CCDC102B: variants seen among roughly 807,000 people sequenced by gnomAD.
The protein encoded by CCDC102B is coiled-coil domain-containing protein 102B.
Under a neutral mutation model 57.4 loss-of-function variants are expected in CCDC102B, and 75 were observed. The observed-to-expected ratio is 1.31, with a 90% CI of 1.08 to 1.58. The LOEUF (loss-of-function observed/expected upper bound fraction) is 1.58, where lower values mean the gene tolerates loss of function less well. CCDC102B is among the 40% of genes most tolerant of loss of function. The pLI is 0.00. For missense variants in CCDC102B, 636 were observed against 582.6 expected, an observed-to-expected ratio of 1.09 and a Z score of -0.94; for synonymous variants, 206 against 201.9, an observed-to-expected ratio of 1.02 and a Z score of -0.17.
intron 2 of CCDC102B, among the ~76,000 whole-genome samples, chr18:68,770,201 T>C (rs2034595752): frequency 6.6e-6 from 1 of 152,196 alleles, no homozygotes. Context: ...AAATCTCTTG[T>C]TAAAGAAATC....
At chr18:68,835,974 G>T (rs1335357444) in intron 1 of CCDC102B, among the ~76,000 whole-genome samples, 1 of 152,176 alleles carries the variant, frequency 6.6e-6, no homozygotes, top group Non-Finnish European at 1.5e-5. Context: ...CATGGAAAAT[G>T]TAGACTATGA....
intron 2 of CCDC102B, among the ~76,000 whole-genome samples, chr18:68,758,418 T>G (rs929347153): frequency 5.3e-5 from 8 of 152,072 alleles, no homozygotes; most frequent in African/African-American, 1.7e-4. Flanking sequence ...TTAAGATATT[T>G]CTTTGAGAGT....
intron 2 of CCDC102B, among the ~76,000 whole-genome samples, chr18:68,768,420 C>T (rs1482059514): frequency 6.6e-6 from 1 of 152,200 alleles, no homozygotes; most frequent in East Asian, 1.9e-4. Context: ...TATACTTAAA[C>T]ATGTACAGTC....
intron 2 of CCDC102B, among the ~76,000 whole-genome samples, chr18:68,770,319 T>C (rs1422919377): frequency 6.6e-6 from 1 of 152,246 alleles, no homozygotes; most frequent in Non-Finnish European, 1.5e-5. Flanking sequence ...CAGCTACTGC[T>C]GCCTAACAAA....
chr18:68,750,637 A>G (rs911505470), intron 2 of CCDC102B, among the ~76,000 whole-genome samples: 1 of 152,104 alleles, frequency 6.6e-6, no homozygotes, highest in Non-Finnish European at 1.5e-5. Flanking sequence ...CAATGAGTTC[A>G]TATCTTTGTA....
chr18:68,904,300 T>C (rs1807370809), intron 6 of CCDC102B, among the ~76,000 whole-genome samples: 1 of 152,210 alleles, frequency 6.6e-6, no homozygotes, highest in South Asian at 2.1e-4. Context: ...TTTTAAAATA[T>C]AAAATGTGTT....
intron 2 of CCDC102B, among the ~76,000 whole-genome samples, chr18:68,781,158 C>T (rs2034995230): frequency 1.3e-5 from 2 of 152,084 alleles, no homozygotes; most frequent in South Asian, 4.1e-4. Context: ...AAGTACAAAA[C>T]AAAATGCCTT....
At chr18:68,840,448 T>C (rs1285140089) in intron 3 of CCDC102B, among the ~76,000 whole-genome samples, 1 of 152,174 alleles carries the variant, frequency 6.6e-6, no homozygotes, top group Non-Finnish European at 1.5e-5. Flanking sequence ...TCTTCATCTG[T>C]ATTTCACTAG....
At chr18:68,727,794 A>C (rs529963087) in intron 2 of CCDC102B, among the ~76,000 whole-genome samples, 6 of 152,332 alleles carry the variant, frequency 3.9e-5, no homozygotes, top group African/African-American at 1.4e-4. Flanking sequence ...TTGGCAGCCT[A>C]CTGGGCAGAA....
intron 5 of CCDC102B, among the ~76,000 whole-genome samples, chr18:68,896,730 A>G (rs1369504538): frequency 1.3e-5 from 2 of 151,920 alleles, no homozygotes; most frequent in Non-Finnish European, 2.9e-5. Context: ...TACTTTTTGC[A>G]TTACTTTTTG....
intron 7 of CCDC102B, among the ~76,000 whole-genome samples, chr18:69,023,857 CT>C (rs1236297305): frequency 3.3e-5 from 5 of 151,744 alleles, no homozygotes; most frequent in African/African-American, 1.2e-4. Context: ...TATTTTCTTC[CT>C]AGTTGGATTA....
At chr18:68,741,051 A>G (rs1300611470) in intron 2 of CCDC102B, among the ~76,000 whole-genome samples, 2 of 152,240 alleles carry the variant, frequency 1.3e-5, no homozygotes, top group East Asian at 1.9e-4. Flanking sequence ...TGTTAGGGCC[A>G]GTCTAGGAGG....
chr18:68,746,246 G>A (rs1348361712), intron 2 of CCDC102B, among the ~76,000 whole-genome samples: 1 of 152,072 alleles, frequency 6.6e-6, no homozygotes, highest in African/African-American at 2.4e-5. Context: ...TAATTTCTGG[G>A]CACTTAGAGT....
intron 7 of CCDC102B, among the ~76,000 whole-genome samples, chr18:69,044,390 G>A (rs538291056): frequency 1.3e-5 from 2 of 152,320 alleles, no homozygotes; most frequent in African/African-American, 2.4e-5. Context: ...CAAAGGCATA[G>A]TGTGCTCTCA....
chr18:68,792,433 A>T, intron 2 of CCDC102B, among the ~76,000 whole-genome samples: 1 of 152,246 alleles, frequency 6.6e-6, no homozygotes, highest in Non-Finnish European at 1.5e-5. Context: ...TCAGACTGGG[A>T]CATGCCTGAA....
intron 7 of CCDC102B, among the ~76,000 whole-genome samples, chr18:69,038,859 A>G (rs1372612716): frequency 6.6e-6 from 1 of 152,028 alleles, no homozygotes. Flanking sequence ...AATAGAGTCA[A>G]TTATTTCTTC....
At chr18:69,038,984 G>T (rs73453767) in intron 7 of CCDC102B, among the ~76,000 whole-genome samples, 2,537 of 151,970 alleles carry the variant, frequency 0.017, 73 homozygotes, top group African/African-American at 0.057. Context: ...AGTTGCTCTT[G>T]TCATTAGCAA....
intron 6 of CCDC102B, among the ~76,000 whole-genome samples, chr18:68,944,857 T>C (rs1223380232): frequency 6.6e-6 from 1 of 152,044 alleles, no homozygotes; most frequent in African/African-American, 2.4e-5. Context: ...ATCAAGATGC[T>C]TTCCTAAAAT....
At chr18:68,979,716 G>T (rs2050528301) in intron 6 of CCDC102B, among the ~76,000 whole-genome samples, 1 of 151,998 alleles carries the variant, frequency 6.6e-6, no homozygotes, top group South Asian at 2.1e-4. Context: ...CTTCCATGGA[G>T]TCATAATTAT....
Sources: gnomAD v4.1 joint callset for allele counts (sites outside exome capture counted in the v4.1 genomes callset) on GRCh38, gnomAD v4.1.1 for gene constraint, MANE v1.5 for transcripts, NCBI Gene and HGNC (gene_info 2026-07-23, HGNC 2026-07-21) for gene names.